The following GRIP1 variants were observed in gnomAD, a reference collection of about 807,000 sequenced individuals.
GRIP1 encodes glutamate receptor interacting protein 1.
In GRIP1, 45 loss-of-function variants were observed where a neutral mutation model predicts 129.9. That is an observed-to-expected ratio of 0.35 (90% CI 0.27 to 0.44). The LOEUF is 0.44. Ranked by LOEUF, GRIP1 falls within the 20% of genes least tolerant of loss-of-function variation. The pLI, the probability that GRIP1 is intolerant of heterozygous loss-of-function variation, is 1.00. For missense variants in GRIP1, 1,196 were observed against 1,396.8 expected (o/e 0.86, Z 2.29); for synonymous variants, 530 against 520.8 (o/e 1.02, Z -0.24).
chr12:66,595,662 G>T (rs2064020879), intron 2 of GRIP1, among the ~76,000 whole-genome samples: 1 of 152,136 alleles, frequency 6.6e-6, no homozygotes. Context: ...TGTTTTATAG[G>T]ATAAAATAGA....
At chr12:66,687,366 G>A (rs1308034950) in intron 1 of GRIP1, among the ~76,000 whole-genome samples, 1 of 152,042 alleles carries the variant, frequency 6.6e-6, no homozygotes, top group African/African-American at 2.4e-5. Flanking sequence ...GTAAGGAAAA[G>A]GAAAATTAAA....
chr12:66,843,842 T>C (rs1357971273), intron 1 of GRIP1, among the ~76,000 whole-genome samples: 1 of 152,116 alleles, frequency 6.6e-6, no homozygotes, highest in African/African-American at 2.4e-5. Context: ...GCAAAAACTA[T>C]AAAACTCTTA....
chr12:67,026,928 G>T (rs561578251), intron 1 of GRIP1, among the ~76,000 whole-genome samples: 1 of 152,188 alleles, frequency 6.6e-6, no homozygotes, highest in South Asian at 2.1e-4. Flanking sequence ...GTAGTTTTTT[G>T]TTGTTGTTGT....
intron 2 of GRIP1, among the ~76,000 whole-genome samples, chr12:66,591,773 G>A (rs865988239): frequency 3.9e-5 from 6 of 152,160 alleles, no homozygotes; most frequent in Middle Eastern, 3.4e-3. Flanking sequence ...GGGACCACAC[G>A]TGCATGCCAC....
intron 1 of GRIP1, among the ~76,000 whole-genome samples, chr12:67,040,633 G>T (rs1181765625): frequency 2.0e-5 from 3 of 152,092 alleles, no homozygotes; most frequent in East Asian, 1.9e-4. Context: ...ACCTTGAGTG[G>T]GTAACAAATC....
chr12:66,691,850 A>G (rs2034993200), intron 1 of GRIP1, among the ~76,000 whole-genome samples: 1 of 152,220 alleles, frequency 6.6e-6, no homozygotes, highest in African/African-American at 2.4e-5. Flanking sequence ...ACTATTTTGC[A>G]GAAGCATGCT....
intron 2 of GRIP1, among the ~76,000 whole-genome samples, chr12:66,570,776 A>G (rs1317619950): frequency 2.0e-5 from 3 of 152,144 alleles, no homozygotes; most frequent in Non-Finnish European, 2.9e-5. Context: ...TTTTTCTTAA[A>G]GAACTCCCTC....
chr12:66,526,202 A>G (rs945528968), intron 5 of GRIP1, among the ~76,000 whole-genome samples: 14 of 150,860 alleles, frequency 9.3e-5, no homozygotes, highest in Non-Finnish European at 1.9e-4. Context: ...TGGAACCAAA[A>G]AAGAGCCTGC....
At chr12:66,888,030 A>T (rs1351872293) in intron 1 of GRIP1, among the ~76,000 whole-genome samples, 1 of 152,164 alleles carries the variant, frequency 6.6e-6, no homozygotes, top group Non-Finnish European at 1.5e-5. Context: ...GCACAAACCT[A>T]AGAAATGACT....
intron 15 of GRIP1, among the ~76,000 whole-genome samples, chr12:66,411,453 C>T (rs2057399696): frequency 6.6e-6 from 1 of 152,164 alleles, no homozygotes; most frequent in Non-Finnish European, 1.5e-5. Context: ...AACGAAAAGA[C>T]CCCACAAAAA....
intron 2 of GRIP1, among the ~76,000 whole-genome samples, chr12:66,551,571 CTTTTTTT>C (rs10719369): frequency 2.6e-5 from 3 of 114,458 alleles, no homozygotes; most frequent in Non-Finnish European, 5.3e-5. Context: ...GGCTAGAATC[CTTTTTTT>C]TTTTTTTTTT....
At chr12:66,658,562 C>G (rs2033306538) in intron 1 of GRIP1, among the ~76,000 whole-genome samples, 1 of 149,958 alleles carries the variant, frequency 6.7e-6, no homozygotes, top group African/African-American at 2.5e-5. Context: ...GGCTGGGTGA[C>G]AGAGCGAGAC....
intron 1 of GRIP1, among the ~76,000 whole-genome samples, chr12:66,892,582 T>TTATATA (rs3051168): frequency 2.6e-4 from 39 of 150,922 alleles, no homozygotes; most frequent in South Asian, 1.7e-3. Flanking sequence ...ATTTACTCAC[T>TTATATA]TATATATATA....
rs111312673 is a variant in GRIP1 at position 66,587,847 on chromosome 12, G to A, written c.136+9000C>T. ...AGGGGTGCAATCAAACTGCTAAAGA[G>A]AGCAAAGAGCTTTGCCAGGTGCTGT... On this transcript the variant is annotated intron_variant, in intron 2 of 24. Transcript: ENST00000359742. Among the ~76,000 whole-genome samples the A allele has an allele frequency of 3.8e-3, 582 of 152,276 alleles. 5 individuals are homozygous for A. Among genetic ancestry groups the A allele is most frequent in the African/African-American group, 0.013 (551 of 41,560 alleles).
At chr12:66,782,454 T>C (rs2038192862) in intron 1 of GRIP1, among the ~76,000 whole-genome samples, 1 of 152,214 alleles carries the variant, frequency 6.6e-6, no homozygotes, top group South Asian at 2.1e-4. Context: ...GGTCTTTCCC[T>C]GACATAAAGG....
chr12:66,757,287 G>C (rs1181384495), intron 1 of GRIP1, among the ~76,000 whole-genome samples: 3 of 152,066 alleles, frequency 2.0e-5, no homozygotes, highest in Non-Finnish European at 4.4e-5. Context: ...ACGTGAGTTG[G>C]ATTGTTTTCA....
chr12:66,750,292 T>A (rs1387126298), intron 1 of GRIP1, among the ~76,000 whole-genome samples: 5 of 152,178 alleles, frequency 3.3e-5, no homozygotes. Flanking sequence ...CCTTTCATCA[T>A]CCCACAGAGA....
intron 1 of GRIP1, among the ~76,000 whole-genome samples, chr12:66,738,090 G>A (rs2036665679): frequency 6.6e-6 from 1 of 152,188 alleles, no homozygotes; most frequent in African/African-American, 2.4e-5. Flanking sequence ...GAGAAGCACA[G>A]GTGTTGAAGG....
chr12:66,938,918 T>C (rs2041536772), intron 1 of GRIP1, among the ~76,000 whole-genome samples: 1 of 151,572 alleles, frequency 6.6e-6, no homozygotes, highest in African/African-American at 2.4e-5. Context: ...GATGGTGCCA[T>C]TGCACTCCCA....
Sources: allele counts gnomAD v4.1 joint callset (sites outside exome capture counted in the v4.1 genomes callset), GRCh38; gene constraint gnomAD v4.1.1; transcripts MANE v1.5; gene names NCBI Gene and HGNC (gene_info 2026-07-23, HGNC 2026-07-21).